Variants in LRRC7 observed in about 807,000 individuals in gnomAD.
LRRC7 encodes leucine rich repeat containing 7, also known as leucine-rich repeat-containing protein 7.
A neutral mutation model predicts 175.7 loss-of-function variants in LRRC7; 23 were observed. That is an observed-to-expected ratio of 0.13 (90% confidence interval 0.09 to 0.19). The LOEUF (loss-of-function observed/expected upper bound fraction) is 0.19, where lower values mean the gene tolerates loss of function less well. Among genes scored for constraint, LRRC7 ranks in the 10% least tolerant of loss-of-function variants. The probability of loss-of-function intolerance (pLI) is 1.00; values close to 1 mark genes in which losing one functional copy is unlikely to be tolerated. For missense variants in LRRC7, 1,354 were observed against 1,904.7 expected (o/e 0.71, Z 5.38); for synonymous variants, 685 against 680.9 (o/e 1.01, Z -0.09).
In LRRC7 at chr1:70,142,488, C is replaced by G. The variant is rs1222187307; in HGVS notation, c.*20601C>G. 6.6e-6 allele frequency: 1 copy of G among 151,988 alleles called. No individual in the cohort carries two copies. The highest frequency in any genetic ancestry group is 1.5e-5 in the Non-Finnish European group (1 of 67,932). The allele number at this position is 151,988 out of a possible 1,614,324, so 9.4% of individuals were successfully genotyped here. On this transcript the variant is annotated 3_prime_UTR_variant, in exon 27 of 27. Coordinates refer to ENST00000651989, the MANE Select transcript of LRRC7 (RefSeq NM_001370785.2). The stretch of plus-strand genomic sequence containing the variant: ...AAACAGATAGTTTTTGTTTGAAGAG[C>G]CAATCAAGTTTCTCTTTGTACTCAG...
chr1:70,061,752 G>A (rs1661594675), intron 23 of LRRC7, among the ~76,000 whole-genome samples: 1 of 152,112 alleles, frequency 6.6e-6, no homozygotes, highest in Non-Finnish European at 1.5e-5. Context: ...CATCTCCAGT[G>A]AGACTTTGAA....
At chr1:69,936,191 T>C (rs1359376654) in intron 8 of LRRC7, among the ~76,000 whole-genome samples, 1 of 152,214 alleles carries the variant, frequency 6.6e-6, no homozygotes, top group Non-Finnish European at 1.5e-5. Flanking sequence ...TGACAGTGGA[T>C]AGGGCAAGTG....
chr1:69,583,035 T>G (rs1160102169), intron 1 of LRRC7, among the ~76,000 whole-genome samples: 1 of 152,048 alleles, frequency 6.6e-6, no homozygotes, highest in Non-Finnish European at 1.5e-5. Context: ...AGTTTTAGTT[T>G]GGTTAAACAG....
chr1:69,780,439 A>G (rs1673353363), intron 3 of LRRC7, among the ~76,000 whole-genome samples: 1 of 152,126 alleles, frequency 6.6e-6, no homozygotes. Flanking sequence ...TAGATGTCCA[A>G]GAGGTGCTCA....
chr1:69,828,138 A>G (rs1265249027), intron 5 of LRRC7, among the ~76,000 whole-genome samples: 1 of 152,062 alleles, frequency 6.6e-6, no homozygotes, highest in African/African-American at 2.4e-5. Flanking sequence ...GTAGTATTCC[A>G]TTGTATGGCT....
intron 1 of LRRC7, among the ~76,000 whole-genome samples, chr1:69,635,290 G>T (rs190221176): frequency 8.6e-4 from 131 of 151,932 alleles, no homozygotes; most frequent in African/African-American, 3.0e-3. Context: ...GTATTCCATG[G>T]TGTATTTAGT....
rs1666573438 is a variant in LRRC7, at chr1:70,129,323, G to A, written c.*7436G>A. On this transcript the variant is annotated 3_prime_UTR_variant, in exon 27 of 27. Coordinates refer to ENST00000651989, the MANE Select transcript of LRRC7 (RefSeq NM_001370785.2). ...CAGGATTTAGGGCAACATTTGATAG[G>A]CTAAACGTGGCAAGTGTGAATGCCT... 6.6e-6 allele frequency among the ~76,000 whole-genome samples: 1 copy of A among 152,052 alleles called. No individual in the cohort carries two copies. Among genetic ancestry groups the A allele is most frequent in the East Asian group, 1.9e-4 (1 of 5,156 alleles).
chr1:69,665,885 C>T (rs1027037667), intron 1 of LRRC7, among the ~76,000 whole-genome samples: 13 of 151,910 alleles, frequency 8.6e-5, no homozygotes, highest in Admixed American at 7.2e-4. Context: ...GGAAAGTGGA[C>T]ATCTTTGTTG....
rs1415518747 is a variant in LRRC7 at position 70,126,284 on chromosome 1, A to G, written c.*4397A>G. On this transcript the variant is annotated 3_prime_UTR_variant, in exon 27 of 27. Coordinates refer to ENST00000651989, the MANE Select transcript of LRRC7 (RefSeq NM_001370785.2). ...GACCAAACAGCAAGTTTATTGGCACACTGGGTCAATAAAAAGTTATGCAAA... is the reference window on the plus strand; with the variant it reads ...GACCAAACAGCAAGTTTATTGGCACGCTGGGTCAATAAAAAGTTATGCAAA... 6.6e-6 allele frequency among the ~76,000 whole-genome samples: 1 copy of G among 152,122 alleles called. No individual in the cohort carries two copies. Among genetic ancestry groups the G allele is most frequent in the Non-Finnish European group, 1.5e-5 (1 of 68,024 alleles).
chr1:69,721,179 C>A (rs1005774063), intron 2 of LRRC7, among the ~76,000 whole-genome samples: 6 of 151,824 alleles, frequency 4.0e-5, no homozygotes, highest in Non-Finnish European at 7.4e-5. Context: ...ACATCCCACA[C>A]AAGAGTGTTA....
At chr1:69,847,728 A>C (rs1682532995) in intron 7 of LRRC7, among the ~76,000 whole-genome samples, 1 of 151,948 alleles carries the variant, frequency 6.6e-6, no homozygotes, top group African/African-American at 2.4e-5. Flanking sequence ...TTGTTGCCCT[A>C]CTTGAGTTTC....
At chr1:69,620,707 A>T (rs1427918425) in intron 1 of LRRC7, among the ~76,000 whole-genome samples, 1 of 152,192 alleles carries the variant, frequency 6.6e-6, no homozygotes, top group Non-Finnish European at 1.5e-5. Context: ...GTTCTTAACG[A>T]TATTCCTCCT....
At chr1:69,608,846 CTCTCTCTCTCTCTCTCTCTCTATA>C (rs1195326683) in intron 1 of LRRC7, among the ~76,000 whole-genome samples, 2,195 of 53,014 alleles carry the variant, frequency 0.041, 8 homozygotes, top group Non-Finnish European at 0.056. Flanking sequence ...CTCTCTCTCT[CTCTCTCTCTCTCTCTCTCTCTATA>C]TATATATATA....
intron 7 of LRRC7, among the ~76,000 whole-genome samples, chr1:69,924,140 G>C (rs1249116264): frequency 2.1e-4 from 32 of 151,962 alleles, no homozygotes; most frequent in African/African-American, 3.9e-4. Context: ...TCTGAGGGCT[G>C]TGTTCTGTTC....
intron 25 of LRRC7, among the ~76,000 whole-genome samples, chr1:70,090,618 G>A (rs1054748736): frequency 1.3e-5 from 2 of 152,002 alleles, no homozygotes; most frequent in African/African-American, 4.8e-5. Flanking sequence ...GATAATTGAA[G>A]CTATCTACTT....
intron 1 of LRRC7, among the ~76,000 whole-genome samples, chr1:69,655,409 A>T (rs985063502): frequency 6.6e-6 from 1 of 151,778 alleles, no homozygotes; most frequent in Non-Finnish European, 1.5e-5. Context: ...TGTTGTGTGC[A>T]TGTTGTATTC....
chr1:69,652,495 T>C (rs770071372), intron 1 of LRRC7, among the ~76,000 whole-genome samples: 6 of 152,172 alleles, frequency 3.9e-5, no homozygotes, highest in Non-Finnish European at 5.9e-5. Context: ...GAAGAGGCTC[T>C]TGTGTGCATG....
chr1:70,015,250 T>C (rs1656865271), intron 13 of LRRC7, among the ~76,000 whole-genome samples: 1 of 152,054 alleles, frequency 6.6e-6, no homozygotes, highest in Non-Finnish European at 1.5e-5. Flanking sequence ...AAGGTTACTA[T>C]ATTTTTTCTA....
chr1:69,797,218 G>A (rs1169468271), intron 4 of LRRC7, among the ~76,000 whole-genome samples: 1 of 152,140 alleles, frequency 6.6e-6, no homozygotes, highest in Non-Finnish European at 1.5e-5. Flanking sequence ...AGATAGAAAT[G>A]ACACTCCGAT....
Sources: gnomAD v4.1 joint callset for allele counts (sites outside exome capture counted in the v4.1 genomes callset) on GRCh38, gnomAD v4.1.1 for gene constraint, MANE v1.5 for transcripts, NCBI Gene and HGNC (gene_info 2026-07-23, HGNC 2026-07-21) for gene names.